The following CA8 variants were observed in gnomAD, a reference collection of about 807,000 sequenced individuals.
CA8 encodes the protein carbonic anhydrase-related protein.
In CA8, 22 loss-of-function variants were observed where a neutral mutation model predicts 41.4. The ratio of observed to expected loss-of-function variants is 0.53; its 90% CI spans 0.38 to 0.76. The LOEUF (loss-of-function observed/expected upper bound fraction) is 0.76, where lower values mean the gene tolerates loss of function less well. Ranked by LOEUF, CA8 falls within the 30% of genes least tolerant of loss-of-function variation. The pLI, the probability that CA8 is intolerant of heterozygous loss-of-function variation, is 0.00. For synonymous variants in CA8, 121 were observed against 130.6 expected (o/e 0.93, Z 0.50); for missense variants, 270 against 352.8 (o/e 0.77, Z 1.88).
chr8:60,259,659 T>C (rs1803664052), intron 3 of CA8, among the ~76,000 whole-genome samples: 1 of 152,156 alleles, frequency 6.6e-6, no homozygotes, highest in African/African-American at 2.4e-5. Context: ...ATAAATATGC[T>C]GAATCAAAGC....
rs143328546 is a variant in CA8, at chr8:60,248,989, T to A, written c.418-16610A>T. 4.9e-4 allele frequency among the ~76,000 whole-genome samples: 74 copies of A among 152,360 alleles called. No homozygotes were observed. The Middle Eastern group carries it at 0.017, about 35-fold the overall frequency. On this transcript the variant is annotated intron_variant, in intron 3 of 8. Coordinates refer to ENST00000317995, the MANE Select transcript of CA8 (RefSeq NM_004056.6). The stretch of plus-strand genomic sequence containing the variant: ...GAGGCCCTTCACTTCCCTTGTTAGC[T>A]ATATTCCCAGCTATTTTATTCCCTT...
At position 60,231,123 on chromosome 8, in the gene CA8, A is replaced by G. The variant is rs182437779; in HGVS notation, c.513+1161T>C. On this transcript the variant is annotated intron_variant, in intron 4 of 8. Coordinates refer to ENST00000317995, the MANE Select transcript of CA8 (RefSeq NM_004056.6). Reference sequence around the variant, plus strand: ...TCTTTCATGATTGTTACTTCAATATACTAAAAATTATCAAAATATATTTGT... The same window carrying G: ...TCTTTCATGATTGTTACTTCAATATGCTAAAAATTATCAAAATATATTTGT... 1.5e-3 allele frequency among the ~76,000 whole-genome samples: 236 copies of G among 152,316 alleles called. 1 individual carries two copies. The highest frequency in any genetic ancestry group is 5.4e-3 in the African/African-American group (224 of 41,574).
intron 8 of CA8, among the ~76,000 whole-genome samples, chr8:60,195,712 C>T (rs1410875791): frequency 1.3e-5 from 2 of 152,110 alleles, no homozygotes; most frequent in Non-Finnish European, 2.9e-5. Context: ...CAGGGGAGAG[C>T]TGATCACTGG....
At chr8:60,245,000 C>G (rs1785291335) in intron 3 of CA8, among the ~76,000 whole-genome samples, 1 of 152,194 alleles carries the variant, frequency 6.6e-6, no homozygotes, top group South Asian at 2.1e-4. Context: ...AGCTAAAAAA[C>G]AGACATAACA....
intron 8 of CA8, among the ~76,000 whole-genome samples, chr8:60,201,935 T>C (rs942317864): frequency 1.3e-5 from 2 of 152,206 alleles, no homozygotes; most frequent in Non-Finnish European, 2.9e-5. Context: ...AAAATAAATA[T>C]CTGAATTTTT....
intron 8 of CA8, among the ~76,000 whole-genome samples, chr8:60,199,455 G>A (rs1585842624): frequency 6.6e-6 from 1 of 152,040 alleles, no homozygotes; most frequent in Non-Finnish European, 1.5e-5. Context: ...ACATTTATGA[G>A]TTCCTAATAA....
intron 2 of CA8, among the ~76,000 whole-genome samples, chr8:60,268,344 T>A (rs1015646702): frequency 2.0e-5 from 3 of 152,214 alleles, no homozygotes; most frequent in Non-Finnish European, 4.4e-5. Flanking sequence ...AAAACTGCTC[T>A]GTTACAAAGC....
chr8:60,210,283 A>G (rs1267961374), intron 7 of CA8, among the ~76,000 whole-genome samples: 2 of 152,248 alleles, frequency 1.3e-5, no homozygotes, highest in Non-Finnish European at 1.5e-5. Flanking sequence ...AAAGTTCACC[A>G]TCTGTGTATC....
intron 3 of CA8, among the ~76,000 whole-genome samples, chr8:60,243,952 T>C (rs1585896422): frequency 1.3e-5 from 2 of 152,210 alleles, no homozygotes; most frequent in Non-Finnish European, 2.9e-5. Flanking sequence ...AAAACCAGCA[T>C]TTTAAATCAA....
At chr8:60,250,701 A>C (rs1808412027) in intron 3 of CA8, among the ~76,000 whole-genome samples, 1 of 152,240 alleles carries the variant, frequency 6.6e-6, no homozygotes, top group Non-Finnish European at 1.5e-5. Context: ...TCTTTTCACT[A>C]ATGTGTTATC....
intron 8 of CA8, among the ~76,000 whole-genome samples, chr8:60,195,679 T>C (rs941818433): frequency 1.3e-5 from 2 of 152,192 alleles, no homozygotes; most frequent in South Asian, 2.1e-4. Flanking sequence ...GATTTACCCA[T>C]GACACTAGGC....
chr8:60,208,712 G>T (rs1000450487), intron 8 of CA8, 38 bp downstream of exon 8: 26 of 1,555,982 alleles, frequency 1.7e-5, no homozygotes, highest in Non-Finnish European at 2.1e-5. Context: ...GGTTTAAGTA[G>T]CTGTGCACCT....
intron 7 of CA8, among the ~76,000 whole-genome samples, chr8:60,212,054 A>G (rs1806854539): frequency 6.6e-6 from 1 of 152,236 alleles, no homozygotes; most frequent in South Asian, 2.1e-4. Context: ...TTTTTAACCA[A>G]TTTAAGAGAA....
intron 8 of CA8, among the ~76,000 whole-genome samples, chr8:60,203,830 A>T (rs1469419794): frequency 6.6e-6 from 1 of 152,192 alleles, no homozygotes; most frequent in Non-Finnish European, 1.5e-5. Flanking sequence ...CATAAAAAAA[A>T]TTCACTTCAT....
rs1808181100 is a variant in CA8, at chr8:60,245,081, T to C, written c.418-12702A>G. On this transcript the variant is annotated intron_variant, in intron 3 of 8. Transcript: ENST00000317995. The stretch of plus-strand genomic sequence containing the variant: ...TGTCTGGCAAACATAGTCTTCATAA[T>C]CATTCCCACCATTCCCTGGGGATTA... Among the ~76,000 whole-genome samples the C allele has an allele frequency of 2.0e-5, 3 of 152,218 alleles. No homozygotes were observed. In the South Asian group the frequency reaches 6.2e-4, roughly 32 times the overall value.
chr8:60,263,392 G>A (rs1360778469), intron 3 of CA8, among the ~76,000 whole-genome samples: 1 of 150,628 alleles, frequency 6.6e-6, no homozygotes, highest in African/African-American at 2.4e-5. Flanking sequence ...TGCTTATAGT[G>A]TCTGTCTGTC....
At chr8:60,216,336 A>G (rs760576222) in intron 7 of CA8, among the ~76,000 whole-genome samples, 19 of 152,224 alleles carry the variant, frequency 1.2e-4, no homozygotes, top group Non-Finnish European at 2.2e-4. Flanking sequence ...TTGCATTTTA[A>G]TATACGTAAA....
chr8:60,248,292 T>C (rs1209525342), intron 3 of CA8, among the ~76,000 whole-genome samples: 2 of 152,218 alleles, frequency 1.3e-5, no homozygotes, highest in African/African-American at 4.8e-5. Context: ...TTTGTTGCAA[T>C]TGCTTTTGGT....
At chr8:60,216,369 T>C (rs773925818) in intron 7 of CA8, among the ~76,000 whole-genome samples, 10 of 152,252 alleles carry the variant, frequency 6.6e-5, no homozygotes, top group Admixed American at 2.6e-4. Flanking sequence ...TGTGTCTACA[T>C]TTTAACTCTG....
Sources: gnomAD v4.1 joint callset for allele counts (sites outside exome capture counted in the v4.1 genomes callset) on GRCh38, gnomAD v4.1.1 for gene constraint, MANE v1.5 for transcripts, NCBI Gene and HGNC (gene_info 2026-07-23, HGNC 2026-07-21) for gene names.